The following FKRP variants were observed in gnomAD, a reference collection of about 807,000 sequenced individuals.
FKRP encodes the protein ribitol 5-phosphate transferase FKRP.
A neutral mutation model predicts 30.6 loss-of-function variants in FKRP; 25 were observed. That is an observed-to-expected ratio of 0.82 (90% confidence interval 0.60 to 1.14). The LOEUF (loss-of-function observed/expected upper bound fraction) is 1.14. FKRP is among the 50% of genes most tolerant of loss of function. The pLI, the probability that FKRP is intolerant of heterozygous loss-of-function variation, is 0.00. For synonymous variants in FKRP, 358 were observed against 342.5 expected, an observed-to-expected ratio of 1.05 and a Z score of -0.50; for missense variants, 771 against 727.8, an observed-to-expected ratio of 1.06 and a Z score of -0.68.
rs1226848053 is a variant in FKRP, at chr19:46,755,502, C to T, written c.52C>T (p.Leu18Phe). Reference protein sequence around the residue: ...AALAAAITLNLLVLFYVSWLQ... With the variant: ...AALAAAITLNFLVLFYVSWLQ... ...CCTGGCGGCCGCCATCACCCTCAAC[C>T]TTCTGGTCCTCTTCTATGTCTCGTG... The change falls in exon 4 of 4, where the codon CTT (leucine) becomes TTT (phenylalanine). Residue 18 changes from leucine to phenylalanine, a missense_variant. Transcript: ENST00000318584. 1.2e-6 allele frequency: 2 copies of T among 1,611,062 alleles called. No individual in the cohort carries two copies. The highest frequency in any genetic ancestry group is 1.7e-6 in the Non-Finnish European group (2 of 1,179,286).
intron 3 of FKRP, among the ~76,000 whole-genome samples, chr19:46,749,600 C>G (rs2054745646): frequency 6.6e-6 from 1 of 151,202 alleles, no homozygotes; most frequent in African/African-American, 2.4e-5. Flanking sequence ...TGGCGCATGC[C>G]TGTAATCCCA....
rs2054954574 is a variant in FKRP at position 46,757,571 on chromosome 19, T to C, written c.*633T>C. Reference sequence around the variant, plus strand: ...CTGTGTTCCATAGCCATCTACTCTCTTGAGCCTTTGGACTTCTCTCCAAGC... The same window carrying C: ...CTGTGTTCCATAGCCATCTACTCTCCTGAGCCTTTGGACTTCTCTCCAAGC... On this transcript the variant is annotated 3_prime_UTR_variant, in exon 4 of 4. Transcript: ENST00000318584. The C allele has an allele frequency of 5.8e-6, 1 of 172,954 alleles. No individual in the cohort carries two copies. The highest frequency in any genetic ancestry group is 2.4e-5 in the African/African-American group (1 of 41,504). 10.7% of individuals were successfully genotyped at this position (172,954 alleles called of 1,614,324 possible).
Position 46,756,477 on chromosome 19 carries a change from G to A in FKRP, c.1027G>A (p.Glu343Lys). The A allele has an allele frequency of 6.6e-7, 1 of 1,517,658 alleles. No individual in the cohort carries two copies. The highest frequency in any genetic ancestry group is 8.8e-7 in the Non-Finnish European group (1 of 1,136,344). 94.0% of individuals were successfully genotyped at this position (1,517,658 alleles called of 1,614,324 possible). Residue 343 changes from glutamate to lysine, a missense_variant, in exon 4 of 4, where the codon GAG becomes AAG. Coordinates refer to ENST00000318584, the MANE Select transcript of FKRP (RefSeq NM_024301.5). The surrounding 1 kb of genome is among the most constrained non-coding windows in gnomAD (Gnocchi z 6.6). ...GGCTGCGGGCGTGCGCTACTGGCTC[G>A]AGGGCGGCTCACTGCTGGGGGCCGC... ...LEAAGVRYWL[E>K]GGSLLGAARH...
intron 3 of FKRP, among the ~76,000 whole-genome samples, chr19:46,752,018 C>A (rs2054804729): frequency 6.6e-6 from 1 of 152,166 alleles, no homozygotes; most frequent in Non-Finnish European, 1.5e-5. Flanking sequence ...GGCAGTTCTG[C>A]AGCTGGAGTG....
chr19:46,754,332 C>G (rs2054856825), intron 3 of FKRP: 1 of 150,534 alleles, frequency 6.6e-6, no homozygotes, highest in Non-Finnish European at 1.5e-5. Context: ...GTCACTGTAC[C>G]TGGCCCACCC....
At chr19:46,751,933 TG>T (rs1433041571) in intron 3 of FKRP, among the ~76,000 whole-genome samples, 1 of 151,572 alleles carries the variant, frequency 6.6e-6, no homozygotes, top group African/African-American at 2.4e-5. Flanking sequence ...ATTGGAGTGA[TG>T]GGGGTGGGGG....
At chr19:46,744,948 CTTCCA>C (rs2054549286), upstream of FKRP, among the ~76,000 whole-genome samples, 4 of 152,132 alleles carry the variant, frequency 2.6e-5, no homozygotes, top group South Asian at 8.3e-4. Flanking sequence ...TCCTCAGACT[CTTCCA>C]TTCAACATCC....
At chr19:46,750,997 C>T (rs552993329) in intron 3 of FKRP, among the ~76,000 whole-genome samples, 56 of 151,510 alleles carry the variant, frequency 3.7e-4, no homozygotes, top group Non-Finnish European at 7.8e-4. Flanking sequence ...GTAAAATCCA[C>T]GTGATAACTA....
chr19:46,749,274 G>C (rs2054736944), intron 3 of FKRP, among the ~76,000 whole-genome samples: 1 of 152,156 alleles, frequency 6.6e-6, no homozygotes, highest in South Asian at 2.1e-4. Flanking sequence ...GAACCCAAGA[G>C]AGAAGGTAAA....
intron 3 of FKRP, among the ~76,000 whole-genome samples, chr19:46,752,863 C>T (rs1204579100): frequency 4.0e-5 from 6 of 151,810 alleles, no homozygotes; most frequent in South Asian, 2.1e-4. Flanking sequence ...AGACGCTGTC[C>T]GTTTAAAAAA....
intron 3 of FKRP, among the ~76,000 whole-genome samples, chr19:46,754,473 C>T (rs1182338137): frequency 7.1e-6 from 1 of 140,614 alleles, no homozygotes; most frequent in East Asian, 2.0e-4. Flanking sequence ...CTCACTGTAA[C>T]CTCCACCTCC....
Position 46,755,802 on chromosome 19 carries a change from G to A in FKRP, c.352G>A (p.Glu118Lys). ...CCGGCCAGCCGCAGCCTCGCGCCCG[G>A]AGACCTACGTGGCCACCGAGTTTGT... ...LDRPAAASRPETYVATEFVAL... is the reference protein window; with the variant it reads ...LDRPAAASRPKTYVATEFVAL... The change falls in exon 4 of 4, where the codon GAG becomes AAG. Residue 118 changes from glutamate (E) to lysine (K), a missense_variant. Glu to Lys is a moderately conservative substitution (Grantham distance 56). Transcript: ENST00000318584. 6.6e-7 allele frequency: 1 copy of A among 1,517,000 alleles called. No homozygotes were observed. The highest frequency in any genetic ancestry group is 8.8e-7 in the Non-Finnish European group (1 of 1,135,302). The allele number at this position is 1,517,000 out of a possible 1,614,324, so 94.0% of individuals were successfully genotyped here.
At chr19:46,745,819 G>T, upstream of FKRP, 1 of 219,722 alleles carries the variant, frequency 4.6e-6, no homozygotes, top group Non-Finnish European at 9.0e-6. Flanking sequence ...GGAGCCCCGC[G>T]GCCAGCGTGC....
chr19:46,745,113 C>A (rs2054554144), upstream of FKRP, among the ~76,000 whole-genome samples: 1 of 151,576 alleles, frequency 6.6e-6, no homozygotes, highest in South Asian at 2.1e-4. Flanking sequence ...TAAAGCATCA[C>A]CCCAGGGTAA....
intron 3 of FKRP, among the ~76,000 whole-genome samples, chr19:46,751,520 A>G (rs1176297323): frequency 6.6e-6 from 1 of 150,586 alleles, no homozygotes; most frequent in Admixed American, 6.6e-5. Context: ...CTGGGATTAC[A>G]GGCGCCTGTC....
rs1274965285 is a variant in FKRP, at chr19:46,753,457, C to CA, written c.-39-1943dup. On this transcript the variant is annotated intron_variant, in intron 3 of 3. Transcript: ENST00000318584. ...TGGGCAACAGAGGGAGACTCCATCT[C>CA]AAAAAAAAAAAAGAAAAGAAAAGAA... Among the ~76,000 whole-genome samples the CA allele has an allele frequency of 1.8e-3, 217 of 118,728 alleles. 1 individual carries two copies. The highest frequency in any genetic ancestry group is 3.5e-3 in the South Asian group (13 of 3,682). 77.9% of individuals were successfully genotyped at this position (118,728 alleles called of 152,430 possible).
rs150826526 is a variant in FKRP, at chr19:46,753,568, G to A, written c.-39-1844G>A. 6.4e-3 allele frequency among the ~76,000 whole-genome samples: 968 copies of A among 151,832 alleles called. 13 individuals are homozygous for A. The highest frequency in any genetic ancestry group is 0.022 in the African/African-American group (903 of 41,378). On this transcript the variant is annotated intron_variant, in intron 3 of 3. Coordinates refer to ENST00000318584, the MANE Select transcript of FKRP (RefSeq NM_024301.5). ...GCAAGAGATGAGGGTGGAATGGGGG[G>A]CAGACAAGGGGAATGTCAGAAGCAG...
chr19:46,754,524 T>C (rs1431513134), intron 3 of FKRP, among the ~76,000 whole-genome samples: 1 of 151,128 alleles, frequency 6.6e-6, no homozygotes, highest in African/African-American at 2.4e-5. Context: ...CCCAAATTGC[T>C]GAGATCACAG....
rs1397214031 is a variant in FKRP, at chr19:46,746,074, G to A, written c.-269G>A. The A allele has an allele frequency of 3.1e-6, 4 of 1,311,008 alleles. No homozygotes were observed. In the East Asian group the frequency reaches 9.9e-5, roughly 32 times the overall value. 81.2% of individuals were successfully genotyped at this position (1,311,008 alleles called of 1,614,324 possible). ...CCGGCGGCCATTGCTCCAAGATGGC[G>A]GCGGCGGCGGCAGCGGGTGAGGCCG... On this transcript the variant is annotated 5_prime_UTR_variant, in exon 1 of 4. Coordinates refer to ENST00000318584, the MANE Select transcript of FKRP (RefSeq NM_024301.5).
Sources: allele counts gnomAD v4.1 joint callset (sites outside exome capture counted in the v4.1 genomes callset), GRCh38; gene constraint gnomAD v4.1.1; non-coding constraint Gnocchi (gnomAD v3.1); transcripts MANE v1.5; gene names NCBI Gene and HGNC (gene_info 2026-07-23, HGNC 2026-07-21).